The following PPM1H variants were observed in gnomAD, a reference collection of about 807,000 sequenced individuals.
PPM1H encodes the protein protein phosphatase 1H.
A neutral mutation model predicts 54.9 loss-of-function variants in PPM1H; 27 were observed. The observed-to-expected ratio is 0.49, with a 90% confidence interval of 0.36 to 0.68. The LOEUF (loss-of-function observed/expected upper bound fraction) is 0.68, where lower values mean the gene tolerates loss of function less well. Ranked by LOEUF, PPM1H falls within the 30% of genes least tolerant of loss-of-function variation. The pLI, the probability that PPM1H is intolerant of heterozygous loss-of-function variation, is 0.00. For missense variants in PPM1H, 596 were observed against 667.8 expected (o/e 0.89, Z 1.19); for synonymous variants, 305 against 270.8 (o/e 1.13, Z -1.24).
At chr12:62,651,611 T>G (rs947850608) in intron 9 of PPM1H, among the ~76,000 whole-genome samples, 1 of 152,232 alleles carries the variant, frequency 6.6e-6, no homozygotes, top group African/African-American at 2.4e-5. Context: ...AATATGGTTA[T>G]TTCCTATTCC....
At chr12:62,651,238 CT>C (rs2075814640) in intron 9 of PPM1H, among the ~76,000 whole-genome samples, 1 of 152,174 alleles carries the variant, frequency 6.6e-6, no homozygotes, top group African/African-American at 2.4e-5. Context: ...ATGTGCCTCC[CT>C]TAAACCTTGT....
At chr12:62,878,792 T>C (rs1324481415) in intron 1 of PPM1H, among the ~76,000 whole-genome samples, 3 of 151,718 alleles carry the variant, frequency 2.0e-5, no homozygotes, top group South Asian at 4.2e-4. Flanking sequence ...ATACAAAAAT[T>C]GGCCAGATGT....
chr12:62,732,001 CA>C (rs2076323686), intron 5 of PPM1H, among the ~76,000 whole-genome samples: 1 of 152,166 alleles, frequency 6.6e-6, no homozygotes, highest in Non-Finnish European at 1.5e-5. Flanking sequence ...TTGACTCCAC[CA>C]AAACATTCTG....
chr12:62,649,388 C>G (rs1031708035), intron 9 of PPM1H, among the ~76,000 whole-genome samples: 2 of 152,040 alleles, frequency 1.3e-5, no homozygotes, highest in African/African-American at 2.4e-5. Flanking sequence ...AAGAATGACA[C>G]TGTAAGCTGA....
At chr12:62,760,469 C>G (rs2076502023) in intron 4 of PPM1H, among the ~76,000 whole-genome samples, 1 of 152,170 alleles carries the variant, frequency 6.6e-6, no homozygotes, top group South Asian at 2.1e-4. Context: ...TCTTCTTCAG[C>G]CTCTGCTCCC....
At chr12:62,872,942 T>G (rs1251468474) in intron 1 of PPM1H, among the ~76,000 whole-genome samples, 1 of 152,256 alleles carries the variant, frequency 6.6e-6, no homozygotes. Flanking sequence ...CAAAGCATGT[T>G]TATACATTTC....
intron 8 of PPM1H, among the ~76,000 whole-genome samples, chr12:62,689,397 C>T (rs2076071408): frequency 6.6e-6 from 1 of 152,068 alleles, no homozygotes; most frequent in African/African-American, 2.4e-5. Flanking sequence ...TTGAAGGTTT[C>T]TGAGCAATTA....
chr12:62,740,684 C>G lies in PPM1H; in HGVS notation c.870-3098G>C, dbSNP rs144522501. Among the ~76,000 whole-genome samples the G allele has an allele frequency of 6.3e-3, 963 of 152,324 alleles. 6 individuals carry two copies. The highest frequency in any genetic ancestry group is 0.02 in the Middle Eastern group (6 of 294). Reference sequence around the variant, plus strand: ...TGCCTGTCTTGATCGACACTGCAGCCCTACTACTGCACACGGTGCCAGGCC... The same window carrying G: ...TGCCTGTCTTGATCGACACTGCAGCGCTACTACTGCACACGGTGCCAGGCC... On this transcript the variant is annotated intron_variant, in intron 4 of 9. Coordinates refer to ENST00000228705, the MANE Select transcript of PPM1H (RefSeq NM_020700.2).
chr12:62,832,225 C>T lies in PPM1H; in HGVS notation c.300G>A (p.Val100=). ...THNEDQASCE[V]LTVKKKAGAV... is the part of the protein sequence containing the mutation. ...CCCCTGCCTTCTTCTTCACAGTGAG[C>T]ACCTCACAGCTGGCTTGGTCTTCAT... is the stretch of plus-strand genomic sequence containing the variant. The change falls in exon 2 of 10, where the codon GTG becomes GTA. Residue 100 remains valine (V), a synonymous_variant. Coordinates refer to ENST00000228705, the MANE Select transcript of PPM1H (RefSeq NM_020700.2). 1 of 1,613,568 alleles carries T rather than the reference C, an allele frequency of 6.2e-7. No individual in the cohort carries two copies. Among genetic ancestry groups the T allele is most frequent in the South Asian group, 1.1e-5 (1 of 90,962 alleles).
intron 6 of PPM1H, among the ~76,000 whole-genome samples, chr12:62,704,468 A>T (rs2076162251): frequency 6.6e-6 from 1 of 152,156 alleles, no homozygotes; most frequent in Admixed American, 6.5e-5. Flanking sequence ...ATCCCTGGGA[A>T]AGTTACCCTG....
At chr12:62,887,131 C>T (rs1870619645) in intron 1 of PPM1H, among the ~76,000 whole-genome samples, 1 of 152,182 alleles carries the variant, frequency 6.6e-6, no homozygotes, top group Non-Finnish European at 1.5e-5. Context: ...TGCCATGTTT[C>T]TCACCGGCTG....
chr12:62,839,503 CCTGAGGAGAGG>C lies in PPM1H; in HGVS notation c.246-7235_246-7225del, dbSNP rs1315564865. Among the ~76,000 whole-genome samples the C allele has an allele frequency of 7.3e-4, 111 of 152,158 alleles. 2 individuals are homozygous for C. The highest frequency in any genetic ancestry group is 7.3e-3 in the Admixed American group (111 of 15,290). On this transcript the variant is annotated intron_variant, in intron 1 of 9. Coordinates refer to ENST00000228705, the MANE Select transcript of PPM1H (RefSeq NM_020700.2). The stretch of plus-strand genomic sequence containing the variant: ...TCTTGAATGACTATAATCAGCTGGA[CCTGAGGAGAGG>C]CTGACTCCCGCGAGATAGGACATGT...
At chr12:62,919,308 G>T (rs1000406843) in intron 1 of PPM1H, among the ~76,000 whole-genome samples, 1 of 152,162 alleles carries the variant, frequency 6.6e-6, no homozygotes. Context: ...AGTATAGTTT[G>T]TTGGTAACTC....
intron 3 of PPM1H, among the ~76,000 whole-genome samples, chr12:62,792,721 C>G (rs1177960224): frequency 6.6e-6 from 1 of 152,182 alleles, no homozygotes; most frequent in Admixed American, 6.5e-5. Flanking sequence ...CTTCCCTCCC[C>G]CTCCTCCCTA....
At chr12:62,786,473 C>T (rs1027007666) in intron 4 of PPM1H, among the ~76,000 whole-genome samples, 3 of 152,188 alleles carry the variant, frequency 2.0e-5, no homozygotes, top group Admixed American at 6.5e-5. Flanking sequence ...TGGGGTCAGC[C>T]GATGGGAAGG....
At chr12:62,914,771 C>G (rs930391364) in intron 1 of PPM1H, among the ~76,000 whole-genome samples, 1 of 152,222 alleles carries the variant, frequency 6.6e-6, no homozygotes, top group Non-Finnish European at 1.5e-5. Context: ...ATGGACTCAT[C>G]TACCTACAAA....
chr12:62,890,995 G>C (rs1164181496), intron 1 of PPM1H, among the ~76,000 whole-genome samples: 3 of 150,390 alleles, frequency 2.0e-5, no homozygotes, highest in African/African-American at 4.9e-5. Flanking sequence ...TGTAATCCCA[G>C]CTACTTGGGA....
chr12:62,933,275 A>T (rs913671765), intron 1 of PPM1H, among the ~76,000 whole-genome samples: 5 of 152,088 alleles, frequency 3.3e-5, no homozygotes, highest in Non-Finnish European at 5.9e-5. Context: ...AGGAAAGGAG[A>T]ATTAGAGATA....
At chr12:62,703,105 T>A (rs570623625) in intron 6 of PPM1H, among the ~76,000 whole-genome samples, 2 of 152,354 alleles carry the variant, frequency 1.3e-5, no homozygotes, top group African/African-American at 4.8e-5. Flanking sequence ...GCCTCATTCT[T>A]TCTTCCATGC....
Sources: gnomAD v4.1 joint callset for allele counts (sites outside exome capture counted in the v4.1 genomes callset) on GRCh38, gnomAD v4.1.1 for gene constraint, MANE v1.5 for transcripts, NCBI Gene and HGNC (gene_info 2026-07-23, HGNC 2026-07-21) for gene names.